PRKD1: variants seen among roughly 807,000 people sequenced by gnomAD.
PRKD1 encodes protein kinase D1, also known as serine/threonine-protein kinase D1.
PRKD1 carries 63 observed loss-of-function variants against 95.9 expected under a neutral mutation model. That is an observed-to-expected ratio of 0.66 (90% confidence interval 0.54 to 0.81). The LOEUF (loss-of-function observed/expected upper bound fraction) is 0.81, where lower values mean the gene tolerates loss of function less well. Among genes scored for constraint, PRKD1 ranks in the 30% least tolerant of loss-of-function variants. PRKD1 has a pLI of 0.00. For synonymous variants in PRKD1, 425 were observed against 423.1 expected (o/e 1.00, Z -0.05); for missense variants, 1,048 against 1,165.3 (o/e 0.90, Z 1.47).
chr14:29,758,853 T>A (rs1192484703), intron 1 of PRKD1, among the ~76,000 whole-genome samples: 1 of 152,232 alleles, frequency 6.6e-6, no homozygotes, highest in Non-Finnish European at 1.5e-5. Flanking sequence ...AGCCTCAGTC[T>A]ATCACACTTC....
intron 16 of PRKD1, among the ~76,000 whole-genome samples, chr14:29,595,297 T>A (rs901833516): frequency 6.6e-6 from 1 of 152,344 alleles, no homozygotes; most frequent in African/African-American, 2.4e-5. Flanking sequence ...CTGACTGGCC[T>A]AAATTCTATC....
At chr14:29,686,194 G>T (rs1303746587) in intron 2 of PRKD1, among the ~76,000 whole-genome samples, 2 of 152,008 alleles carry the variant, frequency 1.3e-5, no homozygotes, top group Non-Finnish European at 2.9e-5. Context: ...AATCATTTTG[G>T]GTTCTTCCTT....
At chr14:29,733,043 T>G (rs1345648707) in intron 1 of PRKD1, among the ~76,000 whole-genome samples, 5 of 151,344 alleles carry the variant, frequency 3.3e-5, no homozygotes, top group Admixed American at 2.6e-4. Context: ...TTTGGATAAT[T>G]TCCATTGCTA....
At chr14:29,650,031 C>A (rs186031589) in intron 4 of PRKD1, among the ~76,000 whole-genome samples, 66 of 152,294 alleles carry the variant, frequency 4.3e-4, no homozygotes, top group Non-Finnish European at 8.1e-4. Context: ...AGCTCCCTTT[C>A]CTGGTTGGGG....
chr14:29,648,324 A>AT (rs576760789), intron 4 of PRKD1, among the ~76,000 whole-genome samples: 3 of 147,460 alleles, frequency 2.0e-5, no homozygotes, highest in East Asian at 2.0e-4. Context: ...GTGGCTACAC[A>AT]TTTTTTTTGA....
chr14:29,598,882 C>T, intron 15 of PRKD1, 145 bp downstream of exon 15: 1 of 728,544 alleles, frequency 1.4e-6, no homozygotes, highest in African/African-American at 1.8e-5. Context: ...GGCCATAGTC[C>T]CAAAGTAACA....
intron 2 of PRKD1, among the ~76,000 whole-genome samples, chr14:29,666,757 T>G (rs984432493): frequency 1.3e-5 from 2 of 152,072 alleles, no homozygotes; most frequent in Admixed American, 6.5e-5. Flanking sequence ...GTATAATAAC[T>G]AAGCATTTAA....
chr14:29,876,245 T>C (rs988405075), intron 1 of PRKD1, among the ~76,000 whole-genome samples: 2 of 152,150 alleles, frequency 1.3e-5, no homozygotes, highest in African/African-American at 4.8e-5. Flanking sequence ...CCATGGAGAA[T>C]TATCTCACTA....
At chr14:29,918,867 A>C (rs1027257018) in intron 1 of PRKD1, among the ~76,000 whole-genome samples, 1 of 152,232 alleles carries the variant, frequency 6.6e-6, no homozygotes, top group Admixed American at 6.5e-5. Context: ...AACTGTAAGA[A>C]CACTGAGTGT....
intron 2 of PRKD1, among the ~76,000 whole-genome samples, chr14:29,703,332 T>C (rs981346744): frequency 6.6e-6 from 1 of 152,218 alleles, no homozygotes; most frequent in African/African-American, 2.4e-5. Context: ...AGCCCTGCGC[T>C]GCACAGGGTA....
chr14:29,639,433 A>G (rs917582801), intron 4 of PRKD1, among the ~76,000 whole-genome samples: 2 of 152,134 alleles, frequency 1.3e-5, no homozygotes, highest in African/African-American at 4.8e-5. Flanking sequence ...CAGCCTGGCT[A>G]ACATGGTGAA....
chr14:29,622,840 G>C (rs1170385547), intron 13 of PRKD1, among the ~76,000 whole-genome samples: 1 of 152,136 alleles, frequency 6.6e-6, no homozygotes, highest in African/African-American at 2.4e-5. Context: ...GTAAAATATA[G>C]AAAGATGTAA....
chr14:29,897,581 A>G (rs879513286), intron 1 of PRKD1, among the ~76,000 whole-genome samples: 9 of 152,156 alleles, frequency 5.9e-5, no homozygotes, highest in African/African-American at 1.7e-4. Flanking sequence ...CAGTTTCCTA[A>G]TCTGTAGAAT....
chr14:29,642,856 G>A (rs1880876152), intron 4 of PRKD1, among the ~76,000 whole-genome samples: 1 of 151,198 alleles, frequency 6.6e-6, no homozygotes, highest in African/African-American at 2.4e-5. Context: ...TTCACTCTTA[G>A]TCTCTATTCC....
At chr14:29,601,372 G>A (rs1042614097) in intron 13 of PRKD1, among the ~76,000 whole-genome samples, 1 of 152,112 alleles carries the variant, frequency 6.6e-6, no homozygotes, top group African/African-American at 2.4e-5. Context: ...TGATGCCTTG[G>A]GTCAAATCAT....
At chr14:29,613,515 T>C (rs142756933) in intron 13 of PRKD1, among the ~76,000 whole-genome samples, 204 of 152,334 alleles carry the variant, frequency 1.3e-3, no homozygotes, top group African/African-American at 4.6e-3. Context: ...GTTTCTTCAG[T>C]TGTGGCTACA....
chr14:29,785,234 G>C (rs1354211015), intron 1 of PRKD1, among the ~76,000 whole-genome samples: 1 of 152,102 alleles, frequency 6.6e-6, no homozygotes, highest in Non-Finnish European at 1.5e-5. Context: ...TGCCAATAAA[G>C]ACCTCTTTTC....
At chr14:29,838,129 A>G (rs1372286403) in intron 1 of PRKD1, among the ~76,000 whole-genome samples, 3 of 152,172 alleles carry the variant, frequency 2.0e-5, no homozygotes, top group Non-Finnish European at 4.4e-5. Flanking sequence ...TGGATTCTGA[A>G]GTTTTCCTGA....
intron 1 of PRKD1, among the ~76,000 whole-genome samples, chr14:29,829,479 T>TC (rs778445144): frequency 2.0e-5 from 3 of 152,214 alleles, no homozygotes; most frequent in Non-Finnish European, 2.9e-5. Flanking sequence ...TCGTTTTTAC[T>TC]CTTTTTAATC....
Sources: gnomAD v4.1 joint callset for allele counts (sites outside exome capture counted in the v4.1 genomes callset) on GRCh38, gnomAD v4.1.1 for gene constraint, MANE v1.5 for transcripts, NCBI Gene and HGNC (gene_info 2026-07-23, HGNC 2026-07-21) for gene names.